Variants in FABP6 observed in about 807,000 individuals in gnomAD.
FABP6 encodes gastrotropin.
Under a neutral mutation model 14.9 loss-of-function variants are expected in FABP6, and 13 were observed. The observed-to-expected ratio is 0.87, with a 90% CI of 0.57 to 1.39. FABP6 has a LOEUF of 1.39. FABP6 is among the 40% of genes most tolerant of loss of function. The pLI, the probability that FABP6 is intolerant of heterozygous loss-of-function variation, is 0.00. For missense variants in FABP6, 161 were observed against 167.2 expected (o/e 0.96, Z 0.20); for synonymous variants, 75 against 63.6 (o/e 1.18, Z -0.85).
intron 2 of FABP6, among the ~76,000 whole-genome samples, chr5:160,201,956 A>T (rs976769971): frequency 1.3e-5 from 2 of 151,976 alleles, no homozygotes; most frequent in African/African-American, 2.4e-5. Flanking sequence ...TAGAGATGAG[A>T]TTTCACCATG....
intron 2 of FABP6, among the ~76,000 whole-genome samples, chr5:160,201,564 T>A (rs922513689): frequency 6.6e-6 from 1 of 152,128 alleles, no homozygotes; most frequent in Non-Finnish European, 1.5e-5. Context: ...CCAAATGCAA[T>A]GCCATACAAT....
intron 2 of FABP6, among the ~76,000 whole-genome samples, chr5:160,205,761 G>T (rs1346351641): frequency 6.6e-6 from 1 of 152,140 alleles, no homozygotes; most frequent in Non-Finnish European, 1.5e-5. Context: ...GTGAGAGTGT[G>T]GGGTATGGAA....
chr5:160,234,335 G>C (rs1281737653), intron 2 of FABP6, among the ~76,000 whole-genome samples: 1 of 146,924 alleles, frequency 6.8e-6, no homozygotes, highest in African/African-American at 2.5e-5. Context: ...GTCCTGCCCA[G>C]TGCACCCTTG....
upstream of FABP6, among the ~76,000 whole-genome samples, chr5:160,226,810 T>G (rs1438014994): frequency 6.6e-6 from 1 of 152,224 alleles, no homozygotes; most frequent in Non-Finnish European, 1.5e-5. Flanking sequence ...ATCATTATTA[T>G]TATCAGTGAG....
chr5:160,211,844 A>T (rs1262044867), intron 2 of FABP6, among the ~76,000 whole-genome samples: 1 of 152,342 alleles, frequency 6.6e-6, no homozygotes, highest in East Asian at 1.9e-4. Context: ...AGGCCCAGGT[A>T]TAGACACTGC....
intron 3 of FABP6, among the ~76,000 whole-genome samples, chr5:160,238,283 C>T (rs1177672841): frequency 6.6e-6 from 1 of 152,144 alleles, no homozygotes; most frequent in Non-Finnish European, 1.5e-5. Flanking sequence ...CCCATCTGTA[C>T]AATGGGAACA....
upstream of FABP6, among the ~76,000 whole-genome samples, chr5:160,226,801 T>C (rs1222293150): frequency 6.6e-6 from 1 of 152,188 alleles, no homozygotes; most frequent in African/African-American, 2.4e-5. Flanking sequence ...TGTTGTATCA[T>C]CATTATTATT....
At chr5:160,214,575 A>G (rs950697817) in intron 3 of FABP6, among the ~76,000 whole-genome samples, 7 of 150,290 alleles carry the variant, frequency 4.7e-5, no homozygotes, top group African/African-American at 1.5e-4. Flanking sequence ...CAGCCACCCA[A>G]TGTGGCTGGC....
intron 2 of FABP6, among the ~76,000 whole-genome samples, chr5:160,205,947 G>T (rs867345659): frequency 5.3e-5 from 8 of 152,066 alleles, no homozygotes; most frequent in Non-Finnish European, 1.2e-4. Context: ...TATTGTTCAA[G>T]GTCTCTTTTC....
chr5:160,203,985 G>A (rs1759703220), intron 2 of FABP6, among the ~76,000 whole-genome samples: 1 of 152,042 alleles, frequency 6.6e-6, no homozygotes, highest in South Asian at 2.1e-4. Flanking sequence ...ACAGGCTTGA[G>A]CCACCGCGCC....
At chr5:160,216,879 A>G (rs965341839) in intron 3 of FABP6, among the ~76,000 whole-genome samples, 1 of 152,212 alleles carries the variant, frequency 6.6e-6, no homozygotes, top group Non-Finnish European at 1.5e-5. Context: ...AGGAGCAATC[A>G]GTCTCCAAGA....
chr5:160,192,087 C>T (rs1580894185), intron 1 of FABP6, among the ~76,000 whole-genome samples: 1 of 152,002 alleles, frequency 6.6e-6, no homozygotes, highest in Non-Finnish European at 1.5e-5. Flanking sequence ...TATCCCCTTT[C>T]CCTCACCTGA....
chr5:160,213,850 C>T, intron 3 of FABP6: 3 of 1,576,482 alleles, frequency 1.9e-6, no homozygotes, highest in Non-Finnish European at 2.6e-6. Flanking sequence ...GGGAAGGGTT[C>T]CTGACGTTTT....
intron 2 of FABP6, among the ~76,000 whole-genome samples, chr5:160,211,268 G>A (rs1019228520): frequency 6.6e-6 from 1 of 152,084 alleles, no homozygotes; most frequent in Non-Finnish European, 1.5e-5. Context: ...GGGTCTCTGT[G>A]GGACTGTCAG....
In FABP6 at chr5:160,189,247, A is replaced by AT. The variant is rs539923918; in HGVS notation, c.-59+1801dup. Among the ~76,000 whole-genome samples, 3 of 151,494 alleles carry AT rather than the reference A, an allele frequency of 2.0e-5. 1 individual carries two copies. Among genetic ancestry groups the AT allele is most frequent in the Middle Eastern group, 3.4e-3 (1 of 294 alleles). On this transcript the variant is annotated intron_variant, in intron 1 of 6. Transcript: ENST00000393980. ...AGAAATCGTATTTTACTTATTATTT[A>AT]TTTTTTTTCTGAGACAAGAGTTTCA... is the stretch of plus-strand genomic sequence containing the variant.
At chr5:160,215,097 C>T (rs975442220) in intron 3 of FABP6, among the ~76,000 whole-genome samples, 1 of 152,118 alleles carries the variant, frequency 6.6e-6, no homozygotes, top group Non-Finnish European at 1.5e-5. Context: ...TTTGTTTTCC[C>T]CATGTTGTGG....
At chr5:160,205,744 C>G (rs1990926) in intron 2 of FABP6, among the ~76,000 whole-genome samples, 1 of 152,126 alleles carries the variant, frequency 6.6e-6, no homozygotes, top group South Asian at 2.1e-4. Context: ...TCATTGGATT[C>G]TGTAATGTGA....
intron 3 of FABP6, among the ~76,000 whole-genome samples, chr5:160,222,240 A>C (rs1394272784): frequency 6.6e-6 from 1 of 151,950 alleles, no homozygotes; most frequent in Non-Finnish European, 1.5e-5. Context: ...CCATAGGCAC[A>C]TGCCACTACA....
At chr5:160,204,498 G>A (rs112288338) in intron 2 of FABP6, among the ~76,000 whole-genome samples, 8 of 150,866 alleles carry the variant, frequency 5.3e-5, no homozygotes, top group Non-Finnish European at 7.4e-5. Flanking sequence ...TCCTTTTTTA[G>A]GGGGGGTGGG....
Sources: allele counts gnomAD v4.1 joint callset (sites outside exome capture counted in the v4.1 genomes callset), GRCh38; gene constraint gnomAD v4.1.1; transcripts MANE v1.5; gene names NCBI Gene and HGNC (gene_info 2026-07-23, HGNC 2026-07-21).